SAMMSON: variants seen among roughly 807,000 people sequenced by gnomAD.
SAMMSON encodes survival associated mitochondrial melanoma specific oncogenic non-coding RNA, also known as long intergenic non-protein coding RNA 1212.
At chr3:70,173,264 C>T (rs748624210) in intron 4 of SAMMSON, among the ~76,000 whole-genome samples, 2 of 151,794 alleles carry the variant, frequency 1.3e-5, no homozygotes, top group Admixed American at 6.6e-5. Flanking sequence ...ACTATTTTAC[C>T]TTTAAAGTAG....
chr3:70,394,607 A>G (rs1701076500), downstream of SAMMSON, among the ~76,000 whole-genome samples: 1 of 152,168 alleles, frequency 6.6e-6, no homozygotes, highest in Non-Finnish European at 1.5e-5. Flanking sequence ...TGGATGGGTA[A>G]TGGTTGTGCA....
chr3:70,418,420 G>A (rs1018424486), intron 2 of SAMMSON, among the ~76,000 whole-genome samples: 1 of 152,192 alleles, frequency 6.6e-6, no homozygotes, highest in Admixed American at 6.5e-5. Context: ...TGGGGTGGAT[G>A]TCAGGGCATC....
chr3:70,407,593 A>G (rs369332407), intron 2 of SAMMSON, among the ~76,000 whole-genome samples: 13 of 152,356 alleles, frequency 8.5e-5, no homozygotes, highest in African/African-American at 2.9e-4. Context: ...TCTCACATCC[A>G]GGTTATGCTG....
intron 3 of SAMMSON, among the ~76,000 whole-genome samples, chr3:70,018,234 A>G (rs955991515): frequency 2.6e-5 from 4 of 151,956 alleles, no homozygotes; most frequent in East Asian, 1.9e-4. Context: ...TTGTTGGTAA[A>G]CTATTAATTA....
chr3:70,242,437 C>G (rs1397896395), intron 4 of SAMMSON, among the ~76,000 whole-genome samples: 2 of 152,146 alleles, frequency 1.3e-5, no homozygotes, highest in Non-Finnish European at 2.9e-5. Context: ...TATGAAATCT[C>G]AGTGGCCCAT....
chr3:70,426,841 C>A (rs1288429914), intron 2 of SAMMSON, among the ~76,000 whole-genome samples: 1 of 152,148 alleles, frequency 6.6e-6, no homozygotes, highest in Non-Finnish European at 1.5e-5. Flanking sequence ...GAAAGTTGAA[C>A]CTGCCTAGCA....
rs138199018 is a variant in SAMMSON at position 70,272,634 on chromosome 3, C to G, written n.675-18545C>G. Reference sequence around the variant, plus strand: ...GGTAAATACCTAGGAGTAGAATTGCCCAGTCGAATGGCAGGTGTATGTTTA... The same window carrying G: ...GGTAAATACCTAGGAGTAGAATTGCGCAGTCGAATGGCAGGTGTATGTTTA... On this transcript the variant is annotated intron_variant and non_coding_transcript_variant, in intron 6 of 9. Transcript: ENST00000642114. Among the ~76,000 whole-genome samples, 6 of 152,168 alleles carry G rather than the reference C, an allele frequency of 3.9e-5. No homozygotes were observed. The East Asian group carries it at 1.2e-3, about 29-fold the overall frequency.
intron 4 of SAMMSON, among the ~76,000 whole-genome samples, chr3:70,241,626 C>T (rs187499185): frequency 1.3e-5 from 2 of 151,980 alleles, no homozygotes; most frequent in South Asian, 2.1e-4. Flanking sequence ...AGTACCTGAC[C>T]CAAGTTCACA....
At chr3:70,039,738 C>A (rs1347206624) in intron 3 of SAMMSON, among the ~76,000 whole-genome samples, 1 of 151,790 alleles carries the variant, frequency 6.6e-6, no homozygotes, top group East Asian at 1.9e-4. Context: ...AAGGACAAGT[C>A]TTCTGCAAAG....
At chr3:70,183,045 G>A (rs74528731) in intron 4 of SAMMSON, among the ~76,000 whole-genome samples, 1 of 152,164 alleles carries the variant, frequency 6.6e-6, no homozygotes, top group African/African-American at 2.4e-5. Flanking sequence ...TCCTCCTCAG[G>A]TCTCTGGATT....
intron 4 of SAMMSON, among the ~76,000 whole-genome samples, chr3:70,166,506 T>C (rs1420105481): frequency 6.6e-6 from 1 of 152,014 alleles, no homozygotes; most frequent in African/African-American, 2.4e-5. Context: ...CAATAGTTTA[T>C]AAACCATTTA....
At chr3:70,165,926 T>C (rs79645403) in intron 4 of SAMMSON, among the ~76,000 whole-genome samples, 4,878 of 152,128 alleles carry the variant, frequency 0.032, 183 homozygotes, top group East Asian at 0.19. Context: ...GGAGTTGTGA[T>C]GGTTCCAGAT....
intron 9 of SAMMSON, among the ~76,000 whole-genome samples, chr3:70,367,882 T>G (rs1404150564): frequency 6.6e-6 from 1 of 151,488 alleles, no homozygotes; most frequent in African/African-American, 2.4e-5. Context: ...TCCTTGCCAG[T>G]GTCTGTCTTT....
chr3:70,374,051 A>C (rs1028014727), intron 9 of SAMMSON, among the ~76,000 whole-genome samples: 30 of 152,094 alleles, frequency 2.0e-4, no homozygotes, highest in Non-Finnish European at 4.1e-4. Context: ...AGTAGCTGCG[A>C]TTAGAAGCAT....
At chr3:70,288,817 C>T (rs891558399) in intron 6 of SAMMSON, among the ~76,000 whole-genome samples, 4 of 151,604 alleles carry the variant, frequency 2.6e-5, no homozygotes, top group African/African-American at 9.7e-5. Flanking sequence ...TATGTAATGG[C>T]CTTCTTTGTC....
chr3:70,019,277 G>A (rs550680772), intron 3 of SAMMSON, among the ~76,000 whole-genome samples: 32 of 152,270 alleles, frequency 2.1e-4, no homozygotes, highest in African/African-American at 6.5e-4. Flanking sequence ...TGTATTGGGT[G>A]CATTTATATT....
chr3:70,343,759 C>G (rs570178517), intron 7 of SAMMSON, among the ~76,000 whole-genome samples: 3 of 151,980 alleles, frequency 2.0e-5, no homozygotes, highest in Admixed American at 6.6e-5. Context: ...TGTGCTCTAC[C>G]TCCTTGAAGG....
rs1186261027 is a variant in SAMMSON, at chr3:70,245,311, C to T, written n.508-3796C>T. Among the ~76,000 whole-genome samples the T allele has an allele frequency of 2.6e-5, 4 of 151,996 alleles. No homozygotes were observed. The East Asian group carries it at 7.8e-4, about 29-fold the overall frequency. ...TAAAATTACTTTTGGATAACATTTT[C>T]CTCTCTCATTGCCTAAGAGAAAACA... is the stretch of plus-strand genomic sequence containing the variant. On this transcript the variant is annotated intron_variant and non_coding_transcript_variant, in intron 4 of 9. Transcript: ENST00000642114.
At position 70,185,303 on chromosome 3, in the gene SAMMSON, A is replaced by G. The variant is rs548301352; in HGVS notation, n.508-63804A>G. On this transcript the variant is annotated intron_variant and non_coding_transcript_variant, in intron 4 of 9. Transcript: ENST00000642114. Reference sequence around the variant, plus strand: ...ATCTTATCCCATGGAAATAAGAAAAAGGCTCAGAATAGCCCTTCCACTATG... The same window carrying G: ...ATCTTATCCCATGGAAATAAGAAAAGGGCTCAGAATAGCCCTTCCACTATG... 5.9e-5 allele frequency among the ~76,000 whole-genome samples: 9 copies of G among 152,272 alleles called. No individual in the cohort carries two copies. The South Asian group carries it at 1.9e-3, about 32-fold the overall frequency.
Sources: gnomAD v4.1 joint callset for allele counts (sites outside exome capture counted in the v4.1 genomes callset) on GRCh38, gnomAD v4.1.1 for gene constraint, MANE v1.5 for transcripts, NCBI Gene and HGNC (gene_info 2026-07-23, HGNC 2026-07-21) for gene names.